Variants in PLXDC2 observed in about 807,000 individuals in gnomAD.
The protein encoded by PLXDC2 is plexin domain containing 2, also known as plexin domain-containing protein 2.
PLXDC2 carries 40 observed loss-of-function variants against 68.9 expected under a neutral mutation model. The ratio of observed to expected loss-of-function variants is 0.58; its 90% CI spans 0.45 to 0.76. PLXDC2 has a LOEUF of 0.76. Ranked by LOEUF, PLXDC2 falls within the 30% of genes least tolerant of loss-of-function variation. The pLI is 0.00. For missense variants in PLXDC2, 644 were observed against 661.9 expected, an observed-to-expected ratio of 0.97 and a Z score of 0.30; for synonymous variants, 243 against 234.2, an observed-to-expected ratio of 1.04 and a Z score of -0.34.
chr10:20,067,683 G>A lies in PLXDC2; in HGVS notation c.472-487G>A, dbSNP rs139513329. Among the ~76,000 whole-genome samples the A allele has an allele frequency of 3.3e-3, 453 of 136,420 alleles. 3 individuals carry two copies. Among genetic ancestry groups the A allele is most frequent in the African/African-American group, 0.01 (371 of 36,034 alleles). 89.5% of individuals were successfully genotyped at this position (136,420 alleles called of 152,430 possible). A position where few individuals can be genotyped will look rare whatever the true frequency, so the allele number is the denominator to read the frequency against. The stretch of plus-strand genomic sequence containing the variant: ...AGCCTGGGCAAAACAGAGAAACTCC[G>A]ACTCAAAAAAAAAAAAAAAAATTCT... On this transcript the variant is annotated intron_variant, in intron 3 of 13. Coordinates refer to ENST00000377252, the MANE Select transcript of PLXDC2 (RefSeq NM_032812.9).
chr10:20,148,365 C>T (rs1404616854), intron 6 of PLXDC2, among the ~76,000 whole-genome samples: 1 of 151,658 alleles, frequency 6.6e-6, no homozygotes, highest in Non-Finnish European at 1.5e-5. Flanking sequence ...GGACCCAGTA[C>T]TGAGAGAGTT....
chr10:20,075,542 C>T (rs772352093), intron 4 of PLXDC2, among the ~76,000 whole-genome samples: 1 of 152,176 alleles, frequency 6.6e-6, no homozygotes, highest in Non-Finnish European at 1.5e-5. Flanking sequence ...GTTTCTCCTG[C>T]ATGTCTGTCC....
chr10:19,873,061 T>C (rs1287956616), intron 1 of PLXDC2, among the ~76,000 whole-genome samples: 1 of 152,202 alleles, frequency 6.6e-6, no homozygotes, highest in African/African-American at 2.4e-5. Flanking sequence ...AAACGGTCGG[T>C]ACAGGTTCAA....
At position 20,211,662 on chromosome 10, in the gene PLXDC2, T is replaced by C. The variant is rs570114517; in HGVS notation, c.1062-7T>C. The C allele has an allele frequency of 1.2e-6, 2 of 1,613,040 alleles. No individual in the cohort carries two copies. Among genetic ancestry groups the C allele is most frequent in the South Asian group, 1.1e-5 (1 of 91,038 alleles). On this transcript the variant is annotated splice_polypyrimidine_tract_variant and splice_region_variant and intron_variant, in intron 9 of 13. Coordinates refer to ENST00000377252, the MANE Select transcript of PLXDC2 (RefSeq NM_032812.9). The stretch of plus-strand genomic sequence containing the variant: ...TTTTCTGAACTGCATTGTGGTCTTC[T>C]TTGAAGATGTTCCAGTGGATTTGAT...
intron 1 of PLXDC2, among the ~76,000 whole-genome samples, chr10:19,848,803 G>C (rs11595643): frequency 0.33 from 49,650 of 151,768 alleles, 8,461 homozygotes; most frequent in Non-Finnish European, 0.38. Context: ...CTGTTTGCCT[G>C]TAAGGGTTTT....
rs1836111158 is a variant in PLXDC2, at chr10:20,283,733, A to G, written c.*3914A>G. On this transcript the variant is annotated 3_prime_UTR_variant, in exon 14 of 14. Coordinates refer to ENST00000377252, the MANE Select transcript of PLXDC2 (RefSeq NM_032812.9). ...CTTATGATTTCCTATTTTACACTTA[A>G]CAGCAAAAGGAGGCTTCCATTTAGA... The G allele has an allele frequency of 6.6e-6, 1 of 152,182 alleles. No individual in the cohort carries two copies. The highest frequency in any genetic ancestry group is 1.5e-5 in the Non-Finnish European group (1 of 68,046). The allele number at this position is 152,182 out of a possible 1,614,324, so 9.4% of individuals were successfully genotyped here. A position where few individuals can be genotyped will look rare whatever the true frequency, so the allele number is the denominator to read the frequency against.
chr10:19,967,465 G>GA (rs756667776), intron 1 of PLXDC2, among the ~76,000 whole-genome samples: 21 of 152,038 alleles, frequency 1.4e-4, no homozygotes, highest in Non-Finnish European at 2.4e-4. Flanking sequence ...CTTAAACCCA[G>GA]AAAAAACACT....
intron 1 of PLXDC2, among the ~76,000 whole-genome samples, chr10:19,840,339 A>G (rs1017966132): frequency 6.6e-6 from 1 of 152,162 alleles, no homozygotes; most frequent in Non-Finnish European, 1.5e-5. Context: ...TTCAAATAAG[A>G]TTACAAAACT....
intron 1 of PLXDC2, among the ~76,000 whole-genome samples, chr10:19,876,601 C>CAAAAAAAAAAA (rs61268790): frequency 4.7e-5 from 3 of 63,968 alleles, no homozygotes; most frequent in African/African-American, 6.7e-5. Flanking sequence ...GATTCCATCT[C>CAAAAAAAAAAA]AAAAAAAAAA....
intron 1 of PLXDC2, among the ~76,000 whole-genome samples, chr10:19,940,261 G>A (rs1403208404): frequency 2.0e-5 from 3 of 149,548 alleles, no homozygotes; most frequent in East Asian, 1.9e-4. Context: ...GTACGAAGAT[G>A]CCTAGAACAT....
At chr10:20,040,931 G>A (rs1835671295) in intron 2 of PLXDC2, among the ~76,000 whole-genome samples, 1 of 152,052 alleles carries the variant, frequency 6.6e-6, no homozygotes. Context: ...TGTACTTTCC[G>A]ATTTATCTGT....
At chr10:19,872,185 A>G (rs765937381) in intron 1 of PLXDC2, among the ~76,000 whole-genome samples, 3 of 152,224 alleles carry the variant, frequency 2.0e-5, no homozygotes, top group Non-Finnish European at 2.9e-5. Context: ...AGTCCAGGAC[A>G]TGAACGAAGA....
intron 4 of PLXDC2, among the ~76,000 whole-genome samples, chr10:20,140,542 T>A (rs1023552333): frequency 3.3e-5 from 5 of 151,988 alleles, no homozygotes; most frequent in Non-Finnish European, 7.4e-5. Context: ...CTTTGGAGTT[T>A]TGTTGCATTA....
chr10:20,184,006 C>G (rs1834645066), intron 9 of PLXDC2, among the ~76,000 whole-genome samples: 1 of 151,102 alleles, frequency 6.6e-6, no homozygotes, highest in African/African-American at 2.4e-5. Flanking sequence ...TAAAAGTATT[C>G]CATGATTCCA....
chr10:19,937,180 A>G (rs184628006), intron 1 of PLXDC2, among the ~76,000 whole-genome samples: 2 of 152,230 alleles, frequency 1.3e-5, no homozygotes, highest in African/African-American at 4.8e-5. Flanking sequence ...TGTTTTTCAA[A>G]GTGTTACATT....
At chr10:20,110,381 C>T (rs1204052961) in intron 4 of PLXDC2, among the ~76,000 whole-genome samples, 1 of 152,156 alleles carries the variant, frequency 6.6e-6, no homozygotes, top group Non-Finnish European at 1.5e-5. Context: ...CCCCTTTCAC[C>T]ATAAATTTGT....
intron 7 of PLXDC2, among the ~76,000 whole-genome samples, chr10:20,170,154 C>G (rs1434191389): frequency 6.6e-6 from 1 of 152,106 alleles, no homozygotes; most frequent in Non-Finnish European, 1.5e-5. Flanking sequence ...ATATATTTTG[C>G]TGTATGTGGT....
At chr10:19,962,847 G>T (rs113871643) in intron 1 of PLXDC2, among the ~76,000 whole-genome samples, 3 of 150,338 alleles carry the variant, frequency 2.0e-5, no homozygotes, top group Non-Finnish European at 4.4e-5. Context: ...AAAATTAGCC[G>T]GGCTTGGTGG....
intron 1 of PLXDC2, among the ~76,000 whole-genome samples, chr10:19,884,127 G>A (rs1197239409): frequency 1.3e-5 from 2 of 150,776 alleles, no homozygotes; most frequent in African/African-American, 2.4e-5. Context: ...AAACTCCTGA[G>A]CTCAAGTGAT....
Sources: allele counts gnomAD v4.1 joint callset (sites outside exome capture counted in the v4.1 genomes callset), GRCh38; gene constraint gnomAD v4.1.1; transcripts MANE v1.5; gene names NCBI Gene and HGNC (gene_info 2026-07-23, HGNC 2026-07-21).